SLC9A9: variants seen among roughly 807,000 people sequenced by gnomAD.
SLC9A9 encodes solute carrier family 9 member A9.
SLC9A9 carries 62 observed loss-of-function variants against 77.8 expected under a neutral mutation model. That is an observed-to-expected ratio of 0.80 (90% CI 0.65 to 0.98). The LOEUF (loss-of-function observed/expected upper bound fraction) is 0.98. Among genes scored for constraint, SLC9A9 ranks in the 50% least tolerant of loss-of-function variants. The pLI is 0.00. For synonymous variants in SLC9A9, 320 were observed against 283.5 expected (o/e 1.13, Z -1.29); for missense variants, 775 against 774.9 (o/e 1.00, Z 0.00).
At chr3:143,359,758 G>A (rs1314794855) in intron 14 of SLC9A9, among the ~76,000 whole-genome samples, 1 of 152,128 alleles carries the variant, frequency 6.6e-6, no homozygotes, top group Non-Finnish European at 1.5e-5. Flanking sequence ...CCTCCTTTGA[G>A]CTTGGCTACA....
chr3:143,622,445 A>C (rs1180279878), intron 6 of SLC9A9, among the ~76,000 whole-genome samples: 3 of 152,208 alleles, frequency 2.0e-5, no homozygotes, highest in African/African-American at 7.2e-5. Flanking sequence ...GCCAGAAGAG[A>C]GTGGGGGCCA....
chr3:143,305,134 C>G (rs1388520919), intron 14 of SLC9A9, among the ~76,000 whole-genome samples: 1 of 152,156 alleles, frequency 6.6e-6, no homozygotes, highest in African/African-American at 2.4e-5. Flanking sequence ...GCTCAAGAAT[C>G]TTAAATGCCA....
chr3:143,457,586 G>A lies in SLC9A9; in HGVS notation c.1469+9451C>T, dbSNP rs2035116799. Among the ~76,000 whole-genome samples, 3 of 151,986 alleles carry A rather than the reference G, an allele frequency of 2.0e-5. No homozygotes were observed. In the South Asian group the frequency reaches 6.2e-4, roughly 31 times the overall value. The stretch of plus-strand genomic sequence containing the variant: ...GAAAACTTTCTTCTCTTCTAATATA[G>A]GTTTTCAGTGCTATACATTTCTTTC... On this transcript the variant is annotated intron_variant, in intron 12 of 15. Transcript: ENST00000316549.
At chr3:143,310,984 C>T (rs144680821) in intron 14 of SLC9A9, among the ~76,000 whole-genome samples, 1,569 of 152,236 alleles carry the variant, frequency 0.01, 16 homozygotes, top group Middle Eastern at 0.02. Flanking sequence ...AGTAGGCGCC[C>T]AGAAAGGTCA....
chr3:143,311,443 T>C (rs1408581020), intron 14 of SLC9A9, among the ~76,000 whole-genome samples: 1 of 152,202 alleles, frequency 6.6e-6, no homozygotes, highest in Non-Finnish European at 1.5e-5. Context: ...AATTCAAAAT[T>C]CTTTTTGCAA....
intron 14 of SLC9A9, among the ~76,000 whole-genome samples, chr3:143,303,691 T>C (rs2030640656): frequency 6.6e-6 from 1 of 152,274 alleles, no homozygotes; most frequent in Non-Finnish European, 1.5e-5. Flanking sequence ...ACCTGCTTCA[T>C]GTGACACACT....
intron 5 of SLC9A9, among the ~76,000 whole-genome samples, chr3:143,663,573 A>G (rs1247945591): frequency 2.0e-5 from 3 of 152,236 alleles, no homozygotes; most frequent in Admixed American, 6.5e-5. Flanking sequence ...CCTTGAAAAA[A>G]GATTAGATGA....
chr3:143,337,931 C>G (rs1393836827), intron 14 of SLC9A9, among the ~76,000 whole-genome samples: 1 of 152,186 alleles, frequency 6.6e-6, no homozygotes, highest in Non-Finnish European at 1.5e-5. Flanking sequence ...TGGAGAGTAA[C>G]ATGCTTTTAG....
chr3:143,356,525 C>T (rs1261552937), intron 14 of SLC9A9, among the ~76,000 whole-genome samples: 3 of 152,080 alleles, frequency 2.0e-5, no homozygotes, highest in Non-Finnish European at 2.9e-5. Context: ...ATGTTTTCTC[C>T]CAGGATTTTT....
In SLC9A9 at chr3:143,522,425, A is replaced by G. The variant is rs112748360; in HGVS notation, c.1090-26977T>C. 3.2e-3 allele frequency among the ~76,000 whole-genome samples: 492 copies of G among 152,278 alleles called. 5 individuals carry two copies. Among genetic ancestry groups the G allele is most frequent in the African/African-American group, 0.011 (472 of 41,564 alleles). ...TGGTCTTTTTACACAGAAATGCCCAAAATCTAATATGGCCACCACAACTTC... is the reference window on the plus strand; with the variant it reads ...TGGTCTTTTTACACAGAAATGCCCAGAATCTAATATGGCCACCACAACTTC... On this transcript the variant is annotated intron_variant, in intron 9 of 15. Coordinates refer to ENST00000316549, the MANE Select transcript of SLC9A9 (RefSeq NM_173653.4).
At chr3:143,669,864 T>C (rs942034746) in intron 5 of SLC9A9, among the ~76,000 whole-genome samples, 7 of 152,214 alleles carry the variant, frequency 4.6e-5, no homozygotes, top group Admixed American at 1.3e-4. Context: ...GAGTTATTTA[T>C]GCAAAATGTT....
intron 14 of SLC9A9, among the ~76,000 whole-genome samples, chr3:143,279,489 G>A (rs967623892): frequency 3.9e-5 from 6 of 152,064 alleles, no homozygotes; most frequent in Non-Finnish European, 7.4e-5. Context: ...AGGTATACAC[G>A]TGCCATGGTG....
chr3:143,416,298 A>C (rs912506571), intron 12 of SLC9A9, among the ~76,000 whole-genome samples: 6 of 152,192 alleles, frequency 3.9e-5, no homozygotes, highest in Non-Finnish European at 5.9e-5. Context: ...GAGGGCTCCA[A>C]ATTGGAAAGA....
At chr3:143,625,401 T>C (rs1264337141) in intron 6 of SLC9A9, among the ~76,000 whole-genome samples, 1 of 152,188 alleles carries the variant, frequency 6.6e-6, no homozygotes, top group Non-Finnish European at 1.5e-5. Flanking sequence ...AACATGGTAC[T>C]GGTACCAAAA....
At chr3:143,808,356 T>C (rs1025368648) in intron 2 of SLC9A9, among the ~76,000 whole-genome samples, 23 of 152,258 alleles carry the variant, frequency 1.5e-4, no homozygotes, top group Admixed American at 1.4e-3. Context: ...CTGAAAACGA[T>C]GATCTGCTCA....
chr3:143,401,878 A>C (rs1043227095), intron 12 of SLC9A9, among the ~76,000 whole-genome samples: 1 of 152,180 alleles, frequency 6.6e-6, no homozygotes, highest in Non-Finnish European at 1.5e-5. Context: ...AAATGCTCCA[A>C]CTTAAACCTA....
At chr3:143,377,720 T>G (rs2033212511) in intron 13 of SLC9A9, among the ~76,000 whole-genome samples, 1 of 152,224 alleles carries the variant, frequency 6.6e-6, no homozygotes, top group Admixed American at 6.5e-5. Flanking sequence ...GGGGAGAAAT[T>G]TATTTTAATG....
chr3:143,586,440 G>A (rs892327291), intron 6 of SLC9A9, among the ~76,000 whole-genome samples: 2 of 152,030 alleles, frequency 1.3e-5, no homozygotes, highest in Non-Finnish European at 2.9e-5. Flanking sequence ...CAACATAAAG[G>A]GGCAACGAAA....
intron 11 of SLC9A9, among the ~76,000 whole-genome samples, chr3:143,486,385 G>A (rs2035653037): frequency 1.3e-5 from 2 of 151,950 alleles, no homozygotes; most frequent in African/African-American, 2.4e-5. Flanking sequence ...CTCAGTAAAG[G>A]TAAATCCATG....
Sources: gnomAD v4.1 joint callset for allele counts (sites outside exome capture counted in the v4.1 genomes callset) on GRCh38, gnomAD v4.1.1 for gene constraint, MANE v1.5 for transcripts, NCBI Gene and HGNC (gene_info 2026-07-23, HGNC 2026-07-21) for gene names.